SERPINB8: variants seen among roughly 807,000 people sequenced by gnomAD.
SERPINB8 encodes the protein serpin family B member 8.
In SERPINB8, 25 loss-of-function variants were observed where a neutral mutation model predicts 35.3. The observed-to-expected ratio is 0.71, with a 90% CI of 0.52 to 0.99. The LOEUF is 0.99. Ranked by LOEUF, SERPINB8 falls within the 50% of genes least tolerant of loss-of-function variation. The pLI, the probability that SERPINB8 is intolerant of heterozygous loss-of-function variation, is 0.00. For synonymous variants in SERPINB8, 186 were observed against 160.8 expected, an observed-to-expected ratio of 1.16 and a Z score of -1.19; for missense variants, 484 against 446.5, an observed-to-expected ratio of 1.08 and a Z score of -0.76.
chr18:63,977,304 GA>G (rs2050596756), intron 1 of SERPINB8, among the ~76,000 whole-genome samples: 1 of 151,926 alleles, frequency 6.6e-6, no homozygotes. Context: ...GGAAAGTGCT[GA>G]AAACAGTGCC....
At chr18:63,986,177 G>T in intron 6 of SERPINB8, 1 of 1,293,106 alleles carries the variant, frequency 7.7e-7, no homozygotes, top group Admixed American at 1.8e-5. Flanking sequence ...GTACCCACCT[G>T]GGCTCCAGTT....
chr18:63,999,313 C>A (rs1400952620), intron 1 of SERPINB8, among the ~76,000 whole-genome samples: 1 of 152,210 alleles, frequency 6.6e-6, no homozygotes, highest in African/African-American at 2.4e-5. Flanking sequence ...GTGGACATTT[C>A]TTCAACTATG....
rs2050800875 is a variant in SERPINB8 at position 63,988,917 on chromosome 18, A to G, written c.*1639A>G. ...ACATTTCACATATTTAACCTCTACA[A>G]TAAGTTCTGACACATTTTCCATGAA... is the stretch of plus-strand genomic sequence containing the variant. On this transcript the variant is annotated 3_prime_UTR_variant, in exon 7 of 7. Transcript: ENST00000397985. 1.3e-5 allele frequency: 2 copies of G among 152,212 alleles called. No individual in the cohort carries two copies. Among genetic ancestry groups the G allele is most frequent in the South Asian group, 4.1e-4 (2 of 4,830 alleles). 9.4% of individuals were successfully genotyped at this position (152,212 alleles called of 1,614,324 possible). A position where few individuals can be genotyped will look rare whatever the true frequency, so the allele number is the denominator to read the frequency against.
intron 1 of SERPINB8, among the ~76,000 whole-genome samples, chr18:63,996,269 C>G (rs991046638): frequency 5.3e-5 from 8 of 152,218 alleles, no homozygotes; most frequent in Non-Finnish European, 1.0e-4. Flanking sequence ...TTCCTCCATA[C>G]AGTAGCTCTG....
chr18:63,996,647 A>C (rs983305187), intron 1 of SERPINB8, among the ~76,000 whole-genome samples: 2 of 152,226 alleles, frequency 1.3e-5, no homozygotes, highest in African/African-American at 4.8e-5. Context: ...CTCCTTGTGA[A>C]CCCAAACAAA....
downstream of SERPINB8, among the ~76,000 whole-genome samples, chr18:64,010,452 AAAAT>A (rs2050920942): frequency 1.3e-5 from 2 of 151,976 alleles, no homozygotes; most frequent in Non-Finnish European, 2.9e-5. Context: ...CATAGCAAGA[AAAAT>A]AAATAGAAAT....
At chr18:63,981,031 TACAC>T (rs958964332) in intron 3 of SERPINB8, among the ~76,000 whole-genome samples, 4 of 151,940 alleles carry the variant, frequency 2.6e-5, no homozygotes, top group Admixed American at 2.0e-4. Flanking sequence ...CATACACATG[TACAC>T]ACACACACAA....
chr18:63,998,506 A>G (rs1161969709), intron 1 of SERPINB8, among the ~76,000 whole-genome samples: 3 of 152,208 alleles, frequency 2.0e-5, no homozygotes, highest in Admixed American at 1.3e-4. Context: ...TGGACAATAT[A>G]ATCCCAGCCT....
downstream of SERPINB8, among the ~76,000 whole-genome samples, chr18:64,009,088 A>G (rs1031067213): frequency 6.6e-6 from 1 of 152,214 alleles, no homozygotes; most frequent in South Asian, 2.1e-4. Context: ...ATGTCATTAA[A>G]TTTGCACTAG....
chr18:63,989,879 C>G (rs1345473973), downstream of SERPINB8, among the ~76,000 whole-genome samples: 4 of 121,234 alleles, frequency 3.3e-5, no homozygotes, highest in Non-Finnish European at 4.9e-5. Flanking sequence ...GGAGGCGGAG[C>G]TTGCAGTGAG....
intron 5 of SERPINB8, among the ~76,000 whole-genome samples, chr18:63,984,053 C>A (rs2144814405): frequency 6.6e-6 from 1 of 152,212 alleles, no homozygotes; most frequent in Admixed American, 6.5e-5. Context: ...TGTCATATTG[C>A]CCAGGTTGGT....
At position 63,972,581 on chromosome 18, in the gene SERPINB8, G is replaced by C. The variant is rs530423812; in HGVS notation, c.-11+2411G>C. ...TATACATGAGCCATGTTGGTTTGCC[G>C]CACCCATCAACTAGTCATTTACATT... On this transcript the variant is annotated intron_variant, in intron 1 of 6. Transcript: ENST00000397985. 2.6e-5 allele frequency among the ~76,000 whole-genome samples: 4 copies of C among 152,138 alleles called. No individual in the cohort carries two copies. The South Asian group carries it at 8.3e-4, about 32-fold the overall frequency.
chr18:64,013,965 T>A (rs1413484201), intron 7 of SERPINB8, among the ~76,000 whole-genome samples: 5 of 152,208 alleles, frequency 3.3e-5, no homozygotes, highest in African/African-American at 1.2e-4. Flanking sequence ...AAAAGACTTA[T>A]ATTCATAATT....
intron 1 of SERPINB8, among the ~76,000 whole-genome samples, chr18:63,999,131 C>T (rs2050862996): frequency 6.6e-6 from 1 of 152,072 alleles, no homozygotes; most frequent in Non-Finnish European, 1.5e-5. Flanking sequence ...TGGGATCTAA[C>T]CTCTCTCCTC....
intron 1 of SERPINB8, among the ~76,000 whole-genome samples, chr18:64,001,203 C>T (rs552888278): frequency 5.5e-4 from 84 of 152,288 alleles, no homozygotes; most frequent in Admixed American, 1.3e-3. Flanking sequence ...TTTAACCAGT[C>T]TGACAATCTC....
chr18:63,971,822 G>C (rs17072312), intron 1 of SERPINB8, among the ~76,000 whole-genome samples: 1 of 152,016 alleles, frequency 6.6e-6, no homozygotes, highest in Non-Finnish European at 1.5e-5. Context: ...ATAAGGGTCC[G>C]TCCTATCTCA....
At chr18:64,002,789 C>CCCGACCGCGGGT (rs2050881945) in intron 1 of SERPINB8, among the ~76,000 whole-genome samples, 1 of 152,128 alleles carries the variant, frequency 6.6e-6, no homozygotes, top group Admixed American at 6.5e-5. Flanking sequence ...AGGGACTCAC[C>CCCGACCGCGGGT]CCGACCGCGG....
chr18:63,982,377 A>G (rs1158687696), intron 4 of SERPINB8, among the ~76,000 whole-genome samples: 1 of 152,122 alleles, frequency 6.6e-6, no homozygotes, highest in Admixed American at 6.5e-5. Context: ...TGCCCAGACC[A>G]CATTCCATCC....
chr18:63,976,755 T>G (rs986004131), intron 1 of SERPINB8, among the ~76,000 whole-genome samples: 3 of 152,150 alleles, frequency 2.0e-5, no homozygotes, highest in Non-Finnish European at 4.4e-5. Context: ...GATCCAAAAA[T>G]CAATGCATCT....
Sources: allele counts gnomAD v4.1 joint callset (sites outside exome capture counted in the v4.1 genomes callset), GRCh38; gene constraint gnomAD v4.1.1; transcripts MANE v1.5; gene names NCBI Gene and HGNC (gene_info 2026-07-23, HGNC 2026-07-21).